The following ZNF536 variants were observed in gnomAD, a reference collection of about 807,000 sequenced individuals.
ZNF536 encodes zinc finger protein 536.
A neutral mutation model predicts 84.5 loss-of-function variants in ZNF536; 13 were observed. The ratio of observed to expected loss-of-function variants is 0.15; its 90% CI spans 0.10 to 0.24. The LOEUF (loss-of-function observed/expected upper bound fraction) is 0.24, where lower values mean the gene tolerates loss of function less well. ZNF536 is among the 10% of genes least tolerant of loss of function. The pLI is 1.00. For synonymous variants in ZNF536, 811 were observed against 742.5 expected (o/e 1.09, Z -1.50); for missense variants, 1,536 against 1,747.5 (o/e 0.88, Z 2.16).
intron 1 of ZNF536, among the ~76,000 whole-genome samples, chr19:30,677,930 AG>A (rs2050814495): frequency 1.3e-5 from 2 of 152,134 alleles, no homozygotes; most frequent in East Asian, 3.9e-4. Flanking sequence ...GGGCACAGGT[AG>A]CCCCCAGCTA....
At chr19:30,232,978 G>T (rs371308392) in intron 1 of ZNF536, among the ~76,000 whole-genome samples, 4 of 152,196 alleles carry the variant, frequency 2.6e-5, no homozygotes, top group South Asian at 2.1e-4. Flanking sequence ...GCCTCTTCAG[G>T]GGGGTGGAAG....
intron 1 of ZNF536, among the ~76,000 whole-genome samples, chr19:30,644,056 GT>G (rs1370457494): frequency 6.6e-5 from 10 of 152,198 alleles, no homozygotes; most frequent in Non-Finnish European, 1.0e-4. Flanking sequence ...AGAGACAAGT[GT>G]TTAAAATGGC....
chr19:30,526,340 C>T (rs1290762436), intron 2 of ZNF536, among the ~76,000 whole-genome samples: 1 of 152,220 alleles, frequency 6.6e-6, no homozygotes, highest in East Asian at 1.9e-4. Flanking sequence ...GGGATGTTGT[C>T]ACAGCAGCAT....
rs116701360 is a variant in ZNF536 at position 30,476,632 on chromosome 19, T to C, written c.2170+30900T>C. On this transcript the variant is annotated intron_variant, in intron 2 of 4. Coordinates refer to ENST00000355537, the MANE Select transcript of ZNF536 (RefSeq NM_014717.3). Reference sequence around the variant, plus strand: ...CTGACTTTAAAAGGAAATAGGGAGATGGACTCCCTCTGTGGCTCACGGCCG... The same window carrying C: ...CTGACTTTAAAAGGAAATAGGGAGACGGACTCCCTCTGTGGCTCACGGCCG... Among the ~76,000 whole-genome samples the C allele has an allele frequency of 8.5e-3, 1,291 of 152,296 alleles. 18 individuals are homozygous for C. Among genetic ancestry groups the C allele is most frequent in the African/African-American group, 0.03 (1,252 of 41,562 alleles).
At chr19:30,470,910 A>G (rs1285947832) in intron 2 of ZNF536, among the ~76,000 whole-genome samples, 1 of 149,098 alleles carries the variant, frequency 6.7e-6, no homozygotes, top group African/African-American at 2.5e-5. Flanking sequence ...CTGGTCTCAA[A>G]CTCCTGACCT....
chr19:30,468,657 C>T (rs140566708), intron 2 of ZNF536, among the ~76,000 whole-genome samples: 95 of 151,788 alleles, frequency 6.3e-4, no homozygotes, highest in African/African-American at 1.9e-3. Context: ...TGGGAAGGCA[C>T]GGAGCAGCAT....
At chr19:30,419,125 T>C (rs1175093012) in intron 1 of ZNF536, among the ~76,000 whole-genome samples, 8 of 152,216 alleles carry the variant, frequency 5.3e-5, no homozygotes, top group African/African-American at 1.9e-4. Context: ...TTTTTCAGAA[T>C]TGGTACCAAA....
intron 1 of ZNF536, among the ~76,000 whole-genome samples, chr19:30,619,434 A>G (rs1369902292): frequency 6.6e-6 from 1 of 152,214 alleles, no homozygotes; most frequent in African/African-American, 2.4e-5. Flanking sequence ...GGTGCCAAGC[A>G]GCAGACCAAG....
rs138268341 is a variant in ZNF536 at position 30,581,181 on chromosome 19, A to T, written c.169+31667A>T. Among the ~76,000 whole-genome samples the T allele has an allele frequency of 4.9e-4, 75 of 152,364 alleles. 2 individuals are homozygous for T. Among genetic ancestry groups the T allele is most frequent in the African/African-American group, 1.8e-3 (74 of 41,586 alleles). ...TACTTCTCCTGCCTCTAAATTTATGATGGAAAGTTAGAGTTGCTGGAGACA... is the reference window on the plus strand; with the variant it reads ...TACTTCTCCTGCCTCTAAATTTATGTTGGAAAGTTAGAGTTGCTGGAGACA... On this transcript the variant is annotated intron_variant, in intron 1 of 1. Transcript: ENST00000592773.
chr19:30,385,507 A>G (rs555991665), intron 1 of ZNF536, among the ~76,000 whole-genome samples: 1 of 151,410 alleles, frequency 6.6e-6, no homozygotes, highest in Non-Finnish European at 1.5e-5. Context: ...CCTTGTCCTC[A>G]TTGCTCTTCC....
intron 2 of ZNF536, among the ~76,000 whole-genome samples, chr19:30,314,029 T>C (rs913216322): frequency 6.6e-6 from 1 of 152,202 alleles, no homozygotes; most frequent in Non-Finnish European, 1.5e-5. Flanking sequence ...CAACTCCAGC[T>C]CTTATTCCCA....
At chr19:30,572,791 T>C (rs1261049712) in intron 1 of ZNF536, among the ~76,000 whole-genome samples, 1 of 152,164 alleles carries the variant, frequency 6.6e-6, no homozygotes, top group African/African-American at 2.4e-5. Context: ...CAGGATTCTA[T>C]ACCCCAGAGG....
intron 1 of ZNF536, among the ~76,000 whole-genome samples, chr19:30,237,295 G>A (rs1371630761): frequency 6.6e-6 from 1 of 152,100 alleles, no homozygotes; most frequent in Admixed American, 6.5e-5. Context: ...CCTTCCCCGG[G>A]ACAGACTTTC....
At chr19:30,525,641 G>A (rs984321194) in intron 2 of ZNF536, among the ~76,000 whole-genome samples, 4 of 152,090 alleles carry the variant, frequency 2.6e-5, no homozygotes, top group Admixed American at 2.6e-4. Context: ...CTGGGGGTTG[G>A]GAGATTTCCT....
chr19:30,251,896 T>C (rs1259391554), intron 1 of ZNF536, among the ~76,000 whole-genome samples: 3 of 152,252 alleles, frequency 2.0e-5, no homozygotes, highest in African/African-American at 7.2e-5. Context: ...TCCAGGTTGC[T>C]GTGAATGCCA....
At chr19:30,453,751 A>G (rs765179304) in intron 2 of ZNF536, among the ~76,000 whole-genome samples, 19 of 152,342 alleles carry the variant, frequency 1.2e-4, no homozygotes, top group Non-Finnish European at 2.6e-4. Context: ...GGGCCTGGGC[A>G]AAACGGGGGC....
chr19:30,454,745 A>G lies in ZNF536; in HGVS notation c.2170+9013A>G, dbSNP rs114678292. 7.9e-3 allele frequency among the ~76,000 whole-genome samples: 1,202 copies of G among 152,180 alleles called. 15 individuals carry two copies. Among genetic ancestry groups the G allele is most frequent in the African/African-American group, 0.028 (1,148 of 41,508 alleles). The stretch of plus-strand genomic sequence containing the variant: ...TTTTAGTGACCTTCAAAACCTTTCC[A>G]CTTGGGACCGGGTGTGGTGGCTCAC... On this transcript the variant is annotated intron_variant, in intron 2 of 4. Transcript: ENST00000355537.
At chr19:30,327,815 T>C (rs2047087421) in intron 2 of ZNF536, among the ~76,000 whole-genome samples, 1 of 152,216 alleles carries the variant, frequency 6.6e-6, no homozygotes, top group Non-Finnish European at 1.5e-5. Flanking sequence ...AGCTGTGGAA[T>C]TGTTATCCTT....
intron 2 of ZNF536, among the ~76,000 whole-genome samples, chr19:30,524,316 A>G (rs1346440513): frequency 6.6e-6 from 1 of 152,182 alleles, no homozygotes; most frequent in Admixed American, 6.5e-5. Flanking sequence ...TAAACTGTCA[A>G]TATTTGTGGT....
Sources: gnomAD v4.1 joint callset for allele counts (sites outside exome capture counted in the v4.1 genomes callset) on GRCh38, gnomAD v4.1.1 for gene constraint, MANE v1.5 for transcripts, NCBI Gene and HGNC (gene_info 2026-07-23, HGNC 2026-07-21) for gene names.